PI4KB: variants seen among roughly 807,000 people sequenced by gnomAD.
PI4KB encodes the protein PtdIns 4-kinase beta.
Under a neutral mutation model 81.4 loss-of-function variants are expected in PI4KB, and 23 were observed. That is an observed-to-expected ratio of 0.28 (90% CI 0.20 to 0.40). The LOEUF is 0.40. Ranked by LOEUF, PI4KB falls within the 10% of genes least tolerant of loss-of-function variation. The pLI is 1.00. For synonymous variants in PI4KB, 381 were observed against 406.8 expected, an observed-to-expected ratio of 0.94 and a Z score of 0.76; for missense variants, 651 against 1,036.6, an observed-to-expected ratio of 0.63 and a Z score of 5.11.
intron 9 of PI4KB, among the ~76,000 whole-genome samples, chr1:151,295,013 G>A (rs1694671560): frequency 6.6e-6 from 1 of 152,216 alleles, no homozygotes; most frequent in South Asian, 2.1e-4. Context: ...CTCACTGGAA[G>A]GGAACAACAA....
chr1:151,299,052 C>G lies in PI4KB; in HGVS notation c.1771G>C (p.Val591Leu). 1 of 1,614,052 alleles carries G rather than the reference C, an allele frequency of 6.2e-7. No homozygotes were observed. Among genetic ancestry groups the G allele is most frequent in the Non-Finnish European group, 8.5e-7 (1 of 1,179,938 alleles). ...QLQSIWEQER[V>L]PLWIKPYKIL... ...TTGTATGGCTTGATCCAAAGGGGCA[C>G]TCGCTCCTGTTCCCAAATGGACTGT... is the stretch of plus-strand genomic sequence containing the variant. The change falls in exon 9 of 12, where the codon GTG (valine) becomes CTG (leucine). Residue 591 changes from valine to leucine, a missense_variant. By Grantham distance (32) the Val-to-Leu change is conservative (BLOSUM62 1). Around this residue, in one of 5 missense-constraint regions of PI4KB, gnomAD observed 246 missense variants for 430.1 expected, o/e 0.57. Coordinates refer to ENST00000368873, the MANE Select transcript of PI4KB (RefSeq NM_001369623.2).
At chr1:151,310,179 C>T (rs1356427915) in intron 3 of PI4KB, 32 bp downstream of exon 3, 2 of 1,564,520 alleles carry the variant, frequency 1.3e-6, no homozygotes, top group East Asian at 2.3e-5. Context: ...CTGGGGGAGC[C>T]TGCCACCCCG....
intron 3 of PI4KB, 87 bp downstream of exon 3, chr1:151,310,124 G>C (rs1255881399): frequency 1.1e-5 from 10 of 933,972 alleles, no homozygotes; most frequent in African/African-American, 3.3e-5. Context: ...TCCAGCCTTG[G>C]CCTGGGGGCT....
intron 1 of PI4KB, among the ~76,000 whole-genome samples, chr1:151,319,852 A>G (rs773817641): frequency 2.9e-4 from 44 of 152,340 alleles, no homozygotes; most frequent in Non-Finnish European, 5.1e-4. Flanking sequence ...AAGATTTTGT[A>G]GAGTTGGAAT....
intron 4 of PI4KB, 42 bp downstream of exon 4, chr1:151,307,532 G>T: frequency 7.5e-7 from 1 of 1,340,676 alleles, no homozygotes; most frequent in Non-Finnish European, 1.1e-6. Context: ...CATGGGTGAA[G>T]AGTCACGTCC....
rs1694750216 is a variant in PI4KB, at chr1:151,295,889, C to CCT, written c.2016-1350_2016-1349dup. On this transcript the variant is annotated intron_variant, in intron 9 of 11. Transcript: ENST00000368873. The stretch of plus-strand genomic sequence containing the variant: ...GGACTGAGCTCTAGGCTCCCTGGGC[C>CCT]CTGAGTTCAAAATCCTGACACTTTG... 2.6e-5 allele frequency among the ~76,000 whole-genome samples: 4 copies of CCT among 152,308 alleles called. No individual in the cohort carries two copies. The South Asian group carries it at 8.3e-4, about 32-fold the overall frequency.
Position 151,298,945 on chromosome 1 carries a change from T to G in PI4KB, c.1878A>C (p.Ser626=). The part of the protein sequence containing the change: ...AVSIHQVKKQ[S]QLSLLDYFLQ... ...GGAAGTAATCGAGCAAGGAGAGCTG[T>G]GACTGTTTCTTCACCTGATGGATGG... The change falls in exon 9 of 12, where the codon TCA becomes TCC. Residue 626 remains serine, a synonymous_variant. Transcript: ENST00000368873. 1 of 1,614,184 alleles carries G rather than the reference T, an allele frequency of 6.2e-7. No homozygotes were observed. Among genetic ancestry groups the G allele is most frequent in the Non-Finnish European group, 8.5e-7 (1 of 1,180,042 alleles).
chr1:151,299,932 A>T (rs115564657), intron 8 of PI4KB, among the ~76,000 whole-genome samples: 1,793 of 152,286 alleles, frequency 0.012, 38 homozygotes, highest in African/African-American at 0.041. Flanking sequence ...TAAAAATTTG[A>T]TTACAACCAA....
rs776717338 is a variant in PI4KB, at chr1:151,316,460, G to A, written c.22C>T (p.Pro8Ser). 2.4e-5 allele frequency: 37 copies of A among 1,547,076 alleles called. No individual in the cohort carries two copies. The highest frequency in any genetic ancestry group is 3.2e-5 in the Non-Finnish European group (37 of 1,149,500). Reference sequence around the variant, plus strand: ...TCAGAAGTTGGCTTCAAGGGGGCAGGCTCCACTACTGTATCTCCCATGGCC... The same window carrying A: ...TCAGAAGTTGGCTTCAAGGGGGCAGACTCCACTACTGTATCTCCCATGGCC... The part of the protein sequence containing the change: MGDTVVE[P>S]APLKPTSEPT... Residue 8 changes from proline (P) to serine (S), a missense_variant, in exon 2 of 12, where the codon CCT becomes TCT. Around this residue, in one of 5 missense-constraint regions of PI4KB, gnomAD observed 314 missense variants for 397.8 expected, o/e 0.79. Coordinates refer to ENST00000368873, the MANE Select transcript of PI4KB (RefSeq NM_001369623.2).
intron 10 of PI4KB, 81 bp from the exon 11 acceptor site, chr1:151,294,219 C>T: frequency 6.5e-7 from 1 of 1,536,714 alleles, no homozygotes; most frequent in Non-Finnish European, 8.8e-7. Flanking sequence ...TACCAGAACT[C>T]CTCCTCCTCT....
intron 6 of PI4KB, among the ~76,000 whole-genome samples, chr1:151,302,805 G>T (rs1302357279): frequency 6.6e-6 from 1 of 150,746 alleles, no homozygotes; most frequent in Non-Finnish European, 1.5e-5. Context: ...GGATGGTCTC[G>T]ATCTCCTGAC....
At chr1:151,293,551 A>G in intron 11 of PI4KB, 1 of 492,484 alleles carries the variant, frequency 2.0e-6, no homozygotes, top group East Asian at 1.0e-4. Context: ...GGGGATGAGG[A>G]CAGAAGGGGG....
chr1:151,306,372 A>C lies in PI4KB; in HGVS notation c.1183-9T>G, dbSNP rs772595267. 2 of 1,576,784 alleles carry C rather than the reference A, an allele frequency of 1.3e-6. No individual in the cohort carries two copies. Among genetic ancestry groups the C allele is most frequent in the Middle Eastern group, 3.3e-4 (2 of 6,022 alleles). Reference sequence around the variant, plus strand: ...TAAATCAGGTAGGGAGCCTGGGGGAAGAGTGAGACAGTATTTGCAACTTAC... The same window carrying C: ...TAAATCAGGTAGGGAGCCTGGGGGACGAGTGAGACAGTATTTGCAACTTAC... On this transcript the variant is annotated splice_polypyrimidine_tract_variant and intron_variant, in intron 4 of 11. Coordinates refer to ENST00000368873, the MANE Select transcript of PI4KB (RefSeq NM_001369623.2).
At position 151,316,454 on chromosome 1, in the gene PI4KB, G is replaced by A. The variant is rs764565706; in HGVS notation, c.28C>T (p.Pro10Ser). Residue 10 changes from proline to serine, a missense_variant, in exon 2 of 12, where the codon CCC becomes TCC. Around this residue, in one of 5 missense-constraint regions of PI4KB, gnomAD observed 314 missense variants for 397.8 expected, o/e 0.79. Transcript: ENST00000368873. ...GTGGGCTCAGAAGTTGGCTTCAAGG[G>A]GGCAGGCTCCACTACTGTATCTCCC... MGDTVVEPA[P>S]LKPTSEPTSG... The A allele has an allele frequency of 1.3e-6, 2 of 1,554,938 alleles. No homozygotes were observed. The highest frequency in any genetic ancestry group is 1.9e-5 in the Admixed American group (1 of 51,470).
In PI4KB at chr1:151,294,451, G is replaced by A. The variant is rs1694621265; in HGVS notation, c.2106C>T (p.Gly702=). ...FILSSSPRNL[G]FETSAFKLTT... is the part of the protein sequence containing the mutation. ...TCAGCTTAAAGGCTGACGTCTCAAA[G>A]CCCAGATTTCGGGGTGAGCTGGAGA... Residue 702 remains glycine (G), a synonymous_variant, in exon 10 of 12, where the codon GGC becomes GGT. Transcript: ENST00000368873. The A allele has an allele frequency of 6.2e-7, 1 of 1,613,916 alleles. No homozygotes were observed. The highest frequency in any genetic ancestry group is 1.3e-5 in the African/African-American group (1 of 74,976).
chr1:151,325,245 G>A (rs752271142), intron 1 of PI4KB, among the ~76,000 whole-genome samples: 2 of 151,854 alleles, frequency 1.3e-5, no homozygotes, highest in Admixed American at 6.6e-5. Flanking sequence ...TGCCTGCCTC[G>A]GCCTCCCAAA....
intron 4 of PI4KB, among the ~76,000 whole-genome samples, chr1:151,306,805 G>A (rs769292670): frequency 1.5e-4 from 23 of 152,320 alleles, no homozygotes; most frequent in Non-Finnish European, 2.8e-4. Context: ...GGCCGGGCGC[G>A]GTGGCTCACG....
rs1453911902 is a variant in PI4KB at position 151,306,064 on chromosome 1, T to C, written c.1410+72A>G. The C allele has an allele frequency of 4.0e-6, 5 of 1,259,746 alleles. No individual in the cohort carries two copies. In the Admixed American group the frequency reaches 8.9e-5, roughly 22 times the overall value. The allele number at this position is 1,259,746 out of a possible 1,614,324, so 78.0% of individuals were successfully genotyped here. A position where few individuals can be genotyped will look rare whatever the true frequency, so the allele number is the denominator to read the frequency against. Reference sequence around the variant, plus strand: ...TACCCTGCCTTGGGATATGCTGTCTTGTTTCCAATATAGTGAAAGCTCCTG... The same window carrying C: ...TACCCTGCCTTGGGATATGCTGTCTCGTTTCCAATATAGTGAAAGCTCCTG... On this transcript the variant is annotated intron_variant, in intron 5 of 11. Coordinates refer to ENST00000368873, the MANE Select transcript of PI4KB (RefSeq NM_001369623.2).
At chr1:151,323,904 CTT>C (rs1649232428) in intron 1 of PI4KB, among the ~76,000 whole-genome samples, 2 of 152,010 alleles carry the variant, frequency 1.3e-5, no homozygotes, top group African/African-American at 2.4e-5. Flanking sequence ...TTCATAAACT[CTT>C]TGAGTACCAT....
Sources: allele counts gnomAD v4.1 joint callset (sites outside exome capture counted in the v4.1 genomes callset), GRCh38; gene constraint gnomAD v4.1.1; regional missense constraint gnomAD v4.1.1; transcripts MANE v1.5; gene names NCBI Gene and HGNC (gene_info 2026-07-23, HGNC 2026-07-21).